RHOA: variants seen among roughly 807,000 people sequenced by gnomAD.
RHOA encodes the protein ras homolog family member A, also known as transforming protein RhoA.
RHOA carries 3 observed loss-of-function variants against 17.5 expected under a neutral mutation model. The ratio of observed to expected loss-of-function variants is 0.17; its 90% CI spans 0.08 to 0.44. The LOEUF (loss-of-function observed/expected upper bound fraction) is 0.44, where lower values mean the gene tolerates loss of function less well. Ranked by LOEUF, RHOA falls within the 20% of genes least tolerant of loss-of-function variation. The pLI, the probability that RHOA is intolerant of heterozygous loss-of-function variation, is 0.99. For synonymous variants in RHOA, 98 were observed against 88.4 expected, an observed-to-expected ratio of 1.11 and a Z score of -0.61; for missense variants, 56 against 242.3, an observed-to-expected ratio of 0.23 and a Z score of 5.10.
chr3:49,387,167 G>A (rs990100153), intron 1 of RHOA, among the ~76,000 whole-genome samples: 9 of 131,882 alleles, frequency 6.8e-5, no homozygotes, highest in African/African-American at 2.0e-4. Context: ...AAAACAGGCC[G>A]GGCGTGGTGG....
chr3:49,381,768 G>A (rs540211752), intron 1 of RHOA, among the ~76,000 whole-genome samples: 3 of 151,910 alleles, frequency 2.0e-5, no homozygotes, highest in Non-Finnish European at 4.4e-5. Context: ...AGGAGGCTGA[G>A]GCAGGAGAAT....
intron 1 of RHOA, among the ~76,000 whole-genome samples, chr3:49,394,015 C>T (rs1182043713): frequency 6.6e-6 from 1 of 151,786 alleles, no homozygotes; most frequent in Non-Finnish European, 1.5e-5. Context: ...GGACTACAGG[C>T]ACCCGCCAAC....
intron 1 of RHOA, among the ~76,000 whole-genome samples, chr3:49,382,375 C>T (rs1423897493): frequency 6.6e-6 from 1 of 152,002 alleles, no homozygotes; most frequent in Non-Finnish European, 1.5e-5. Context: ...TGGCTCACAC[C>T]TGTAATCCCA....
intron 1 of RHOA, among the ~76,000 whole-genome samples, chr3:49,382,545 AG>A (rs1285006614): frequency 3.7e-4 from 57 of 152,210 alleles, no homozygotes; most frequent in South Asian, 4.1e-4. Flanking sequence ...CTAAGATGGG[AG>A]GATCACTTGA....
intron 3 of RHOA, among the ~76,000 whole-genome samples, chr3:49,364,650 G>GACTCC (rs2048025959): frequency 6.6e-6 from 1 of 151,722 alleles, no homozygotes; most frequent in African/African-American, 2.4e-5. Context: ...GACAGAGCGA[G>GACTCC]ACTCCGTCTC....
intron 1 of RHOA, among the ~76,000 whole-genome samples, chr3:49,408,856 G>C (rs1328749887): frequency 1.3e-5 from 2 of 150,930 alleles, no homozygotes; most frequent in Non-Finnish European, 2.9e-5. Flanking sequence ...ACAGTGGCGC[G>C]ATCTCAGCTC....
chr3:49,404,549 T>C (rs1184685822), intron 1 of RHOA, among the ~76,000 whole-genome samples: 1 of 131,450 alleles, frequency 7.6e-6, no homozygotes, highest in Non-Finnish European at 1.5e-5. Flanking sequence ...TAGGCAGAGA[T>C]TGCAGTGAGC....
At chr3:49,372,483 G>A (rs1228219164) in intron 2 of RHOA, among the ~76,000 whole-genome samples, 1 of 152,190 alleles carries the variant, frequency 6.6e-6, no homozygotes, top group East Asian at 1.9e-4. Context: ...GCTCACGCCT[G>A]TAATCCCAGC....
At chr3:49,378,064 G>A (rs933881250) in intron 1 of RHOA, among the ~76,000 whole-genome samples, 5 of 149,298 alleles carry the variant, frequency 3.3e-5, no homozygotes, top group East Asian at 2.0e-4. Context: ...CAGGAGAATC[G>A]CTTGAACCCA....
intron 3 of RHOA, chr3:49,365,143 G>GTTTTTTT (rs774772004): frequency 7.3e-6 from 1 of 136,460 alleles, no homozygotes; most frequent in East Asian, 2.1e-4. Flanking sequence ...TAGAACAGAA[G>GTTTTTTT]TTTTTTTTTT....
chr3:49,404,362 A>T (rs1314075402), intron 1 of RHOA, among the ~76,000 whole-genome samples: 17 of 150,578 alleles, frequency 1.1e-4, no homozygotes, highest in Non-Finnish European at 1.5e-4. Flanking sequence ...TGGGAAGCCA[A>T]GGCAGGTGGA....
chr3:49,404,131 T>C (rs1383200861), intron 1 of RHOA, among the ~76,000 whole-genome samples: 4 of 151,612 alleles, frequency 2.6e-5, no homozygotes, highest in South Asian at 4.2e-4. Flanking sequence ...CAAGACTCCA[T>C]CTCTACAAAA....
At chr3:49,386,490 G>A (rs764253224) in intron 1 of RHOA, among the ~76,000 whole-genome samples, 41 of 152,134 alleles carry the variant, frequency 2.7e-4, no homozygotes, top group Non-Finnish European at 4.9e-4. Context: ...TTTGTTCAAC[G>A]TCAGTCGCAC....
At chr3:49,365,452 T>A (rs1163599740) in intron 3 of RHOA, among the ~76,000 whole-genome samples, 2 of 152,008 alleles carry the variant, frequency 1.3e-5, no homozygotes, top group South Asian at 4.1e-4. Flanking sequence ...CTAGAATAGA[T>A]GTTCTGTTAG....
At chr3:49,362,991 A>T (rs114622176) in intron 3 of RHOA, among the ~76,000 whole-genome samples, 534 of 152,328 alleles carry the variant, frequency 3.5e-3, no homozygotes, top group Admixed American at 6.0e-3. Context: ...GATGATTCTG[A>T]CATAGCTTAC....
intron 1 of RHOA, among the ~76,000 whole-genome samples, chr3:49,394,372 A>C (rs1175949680): frequency 6.6e-6 from 1 of 151,196 alleles, no homozygotes; most frequent in East Asian, 2.0e-4. Context: ...TTTTTCTGAG[A>C]TAGAGTCTCT....
chr3:49,360,459 T>G (rs1036578101), intron 4 of RHOA, 77 bp from the exon 5 acceptor site: 3 of 1,437,474 alleles, frequency 2.1e-6, no homozygotes, highest in Non-Finnish European at 2.8e-6. Flanking sequence ...TTCAAATTCA[T>G]CTAAAAGATT....
chr3:49,403,775 A>G (rs2048766318), intron 1 of RHOA, among the ~76,000 whole-genome samples: 1 of 152,092 alleles, frequency 6.6e-6, no homozygotes. Context: ...AAGTATGTGC[A>G]TTTTATTGTA....
intron 1 of RHOA, among the ~76,000 whole-genome samples, chr3:49,383,065 A>G (rs555046771): frequency 2.0e-5 from 3 of 150,312 alleles, no homozygotes; most frequent in East Asian, 1.9e-4. Context: ...ATCAGAAAAA[A>G]AAAAAGAAAA....
Sources: gnomAD v4.1 joint callset for allele counts (sites outside exome capture counted in the v4.1 genomes callset) on GRCh38, gnomAD v4.1.1 for gene constraint, MANE v1.5 for transcripts, NCBI Gene and HGNC (gene_info 2026-07-23, HGNC 2026-07-21) for gene names.